PWWP3A: variants seen among roughly 807,000 people sequenced by gnomAD.
The protein encoded by PWWP3A is PWWP domain-containing DNA repair factor 3A.
PWWP3A carries 53 observed loss-of-function variants against 79.0 expected under a neutral mutation model. That is an observed-to-expected ratio of 0.67 (90% CI 0.54 to 0.84). The LOEUF is 0.84. Among genes scored for constraint, PWWP3A ranks in the 40% least tolerant of loss-of-function variants. The probability of loss-of-function intolerance (pLI) is 0.00; values close to 1 mark genes in which losing one functional copy is unlikely to be tolerated. For synonymous variants in PWWP3A, 443 were observed against 394.4 expected (o/e 1.12, Z -1.46); for missense variants, 973 against 948.0 (o/e 1.03, Z -0.35).
At position 1,358,377 on chromosome 19, in the gene PWWP3A, C is replaced by G; in HGVS notation, c.144-17C>G. On this transcript the variant is annotated splice_polypyrimidine_tract_variant and intron_variant, in intron 3 of 13. Transcript: ENST00000591337. ...GGCGTTGGCTGGTGGTGTGTAACGTCGATTTTGTCTCTGCAGAATTAAGGT... is the reference window on the plus strand; with the variant it reads ...GGCGTTGGCTGGTGGTGTGTAACGTGGATTTTGTCTCTGCAGAATTAAGGT... The G allele has an allele frequency of 2.5e-6, 4 of 1,611,296 alleles. No homozygotes were observed. The highest frequency in any genetic ancestry group is 3.4e-6 in the Non-Finnish European group (4 of 1,178,452).
chr19:1,356,958 C>T, intron 2 of PWWP3A, 51 bp from the exon 3 acceptor site: 1 of 1,482,580 alleles, frequency 6.7e-7, no homozygotes, highest in Non-Finnish European at 9.4e-7. Flanking sequence ...GCCACTGTTT[C>T]TCACTGTCAG....
intron 2 of PWWP3A, 28 bp from the exon 3 acceptor site, chr19:1,356,978 TAAC>T: frequency 6.3e-7 from 1 of 1,583,388 alleles, no homozygotes; most frequent in Non-Finnish European, 8.6e-7. Flanking sequence ...GCTGTTGTAA[TAAC>T]AAGGATTTTC....
At position 1,369,278 on chromosome 19, in the gene PWWP3A, A is replaced by C; in HGVS notation, c.1436A>C (p.Glu479Ala). The C allele has an allele frequency of 6.2e-7, 1 of 1,614,118 alleles. No homozygotes were observed. Among genetic ancestry groups the C allele is most frequent in the Non-Finnish European group, 8.5e-7 (1 of 1,180,000 alleles). Residue 479 changes from glutamate to alanine, a missense_variant, in exon 10 of 14, where the codon GAG becomes GCG. Coordinates refer to ENST00000591337, the MANE Select transcript of PWWP3A (RefSeq NM_001369789.1). The surrounding 1 kb of genome is among the most constrained non-coding windows in gnomAD (Gnocchi z 4.0). ...ATCTCATTGTAGAATCAAGCCAGGG[A>C]GGACTTCAACCAGGACATCGGCTGG... Reference protein sequence around the residue: ...EKQTLLNQAREDFNQDIGWCV... With the variant: ...EKQTLLNQARADFNQDIGWCV...
intron 3 of PWWP3A, chr19:1,357,337 A>C: frequency 5.1e-6 from 2 of 392,882 alleles, no homozygotes; most frequent in Non-Finnish European, 9.2e-6. Context: ...TGGTACAAAC[A>C]CTGAATACAT....
At chr19:1,373,507 AC>A (rs2082305122) in intron 13 of PWWP3A, 1 of 279,250 alleles carries the variant, frequency 3.6e-6, no homozygotes, top group African/African-American at 2.2e-5. Context: ...TGTGAGAAAT[AC>A]AGCAAGATTA....
chr19:1,376,109 T>A (rs768880547), intron 13 of PWWP3A, among the ~76,000 whole-genome samples: 11 of 135,856 alleles, frequency 8.1e-5, no homozygotes, highest in Non-Finnish European at 1.2e-4. Flanking sequence ...GTGCCTGGAC[T>A]CTCTGTCATA....
Position 1,369,400 on chromosome 19 carries a change from C to G in PWWP3A, c.1498+60C>G. 1.3e-6 allele frequency: 2 copies of G among 1,584,530 alleles called. No homozygotes were observed. The highest frequency in any genetic ancestry group is 1.7e-6 in the Non-Finnish European group (2 of 1,155,188). ...AGCAGGCGTCCAGCCTCTGAAGACC[C>G]CTTGGACGGGCTGGGCCGGAGCTGC... On this transcript the variant is annotated intron_variant, in intron 10 of 13. Coordinates refer to ENST00000591337, the MANE Select transcript of PWWP3A (RefSeq NM_001369789.1). The surrounding 1 kb of genome is among the most constrained non-coding windows in gnomAD (Gnocchi z 4.0).
rs1021121358 is a variant in PWWP3A at position 1,377,703 on chromosome 19, C to G, written c.*1127C>G. 3 of 152,368 alleles carry G rather than the reference C, an allele frequency of 2.0e-5. No homozygotes were observed. Among genetic ancestry groups the G allele is most frequent in the African/African-American group, 4.8e-5 (2 of 41,480 alleles). 9.4% of individuals were successfully genotyped at this position (152,368 alleles called of 1,614,324 possible). On this transcript the variant is annotated 3_prime_UTR_variant, in exon 14 of 14. Coordinates refer to ENST00000591337, the MANE Select transcript of PWWP3A (RefSeq NM_001369789.1). ...GTGGATGCTCCAGGCTGTGCCTACA[C>G]AGCAGTGCTGGTGACATGTCCAGGG...
chr19:1,374,912 A>G (rs2082332961), intron 13 of PWWP3A, among the ~76,000 whole-genome samples: 2 of 152,086 alleles, frequency 1.3e-5, no homozygotes, highest in Admixed American at 1.3e-4. Flanking sequence ...GTCTCTAAAA[A>G]TAAATATTAT....
At chr19:1,359,916 T>TA (rs1419941517) in intron 4 of PWWP3A, 4 of 464,280 alleles carry the variant, frequency 8.6e-6, no homozygotes, top group African/African-American at 8.1e-5. Flanking sequence ...ATTTGGTTTT[T>TA]AAAAAAATGA....
rs35058427 is a variant in PWWP3A at position 1,360,319 on chromosome 19, C to T, written c.398C>T (p.Ser133Leu). 119 of 1,613,770 alleles carry T rather than the reference C, an allele frequency of 7.4e-5. No individual in the cohort carries two copies. The highest frequency in any genetic ancestry group is 9.9e-5 in the South Asian group (9 of 91,050). The change falls in exon 5 of 14, where the codon TCG becomes TTG. Residue 133 changes from serine to leucine, a missense_variant. Ser to Leu is a moderately radical substitution (Grantham distance 145). Coordinates refer to ENST00000591337, the MANE Select transcript of PWWP3A (RefSeq NM_001369789.1). The surrounding 1 kb of genome is among the most constrained non-coding windows in gnomAD (Gnocchi z 4.4). ...GAGCATGTCTCCTCGCCCTGTGATT[C>T]GAACTCCTCATCTCTTCCCCGCGGA... ...PMEHVSSPCD[S>L]NSSSLPRGDV...
At position 1,370,836 on chromosome 19, in the gene PWWP3A, G is replaced by A. The variant is rs1245810130; in HGVS notation, c.1744G>A (p.Ala582Thr). ...NQKLVEYIVK[A>T]KGAESHLRAI... Reference sequence around the variant, plus strand: ...GAAGCTGGTGGAGTACATTGTGAAGGCCAAGGGCGCGGAGAGCCACCTGCG... The same window carrying A: ...GAAGCTGGTGGAGTACATTGTGAAGACCAAGGGCGCGGAGAGCCACCTGCG... Residue 582 changes from alanine (A) to threonine (T), a missense_variant, in exon 12 of 14, where the codon GCC (alanine) becomes ACC (threonine). Ala to Thr is a moderately conservative substitution (Grantham distance 58, BLOSUM62 0). Transcript: ENST00000591337. 11 of 1,571,838 alleles carry A rather than the reference G, an allele frequency of 7.0e-6. No homozygotes were observed. The highest frequency in any genetic ancestry group is 8.6e-6 in the Non-Finnish European group (10 of 1,158,660).
intron 9 of PWWP3A, among the ~76,000 whole-genome samples, chr19:1,367,947 C>T (rs1358918053): frequency 6.6e-6 from 1 of 152,010 alleles, no homozygotes; most frequent in African/African-American, 2.4e-5. Context: ...TTTTTTGAGA[C>T]GGAGTCTCAC....
rs576094849 is a variant in PWWP3A at position 1,366,350 on chromosome 19, A to G, written c.1330A>G (p.Ile444Val). 6.8e-6 allele frequency: 11 copies of G among 1,614,246 alleles called. No homozygotes were observed. Among genetic ancestry groups the G allele is most frequent in the Admixed American group, 3.3e-5 (2 of 60,036 alleles). The change falls in exon 8 of 14, where the codon ATC (isoleucine) becomes GTC (valine). Residue 444 changes from isoleucine (I) to valine (V), a missense_variant. Physicochemically the swap from Ile to Val is conservative, Grantham distance 29. Transcript: ENST00000591337. Reference protein sequence around the residue: ...QRDKKASVLYIEGHMNPKMKG... With the variant: ...QRDKKASVLYVEGHMNPKMKG... ...AGATAAGAAAGCAAGTGTGCTATAC[A>G]TCGAAGGACACATGAACCCGAAAAT...
intron 7 of PWWP3A, among the ~76,000 whole-genome samples, chr19:1,365,791 C>T (rs1217047238): frequency 6.6e-6 from 1 of 152,220 alleles, no homozygotes; most frequent in East Asian, 1.9e-4. Context: ...TCCCTGAGAG[C>T]GCAGGGCGGA....
chr19:1,360,722 C>G lies in PWWP3A; in HGVS notation c.801C>G (p.Asn267Lys). The G allele has an allele frequency of 6.2e-7, 1 of 1,613,274 alleles. No homozygotes were observed. Residue 267 changes from asparagine (N) to lysine (K), a missense_variant, in exon 5 of 14, where the codon AAC (asparagine) becomes AAG (lysine). By Grantham distance (94) the Asn-to-Lys change is moderately conservative (BLOSUM62 0). Transcript: ENST00000591337. The surrounding 1 kb of genome is among the most constrained non-coding windows in gnomAD (Gnocchi z 4.4). Reference sequence around the variant, plus strand: ...TCAGGGAGGACGATCCCTGTGCCAACGCTGAGGGACACGACCCCGGTCTGC... The same window carrying G: ...TCAGGGAGGACGATCCCTGTGCCAAGGCTGAGGGACACGACCCCGGTCTGC... The part of the protein sequence containing the change: ...SGVREDDPCA[N>K]AEGHDPGLPL...
chr19:1,358,592 C>T (rs747024110), intron 4 of PWWP3A, 128 bp downstream of exon 4: 23 of 1,587,710 alleles, frequency 1.4e-5, no homozygotes, highest in Middle Eastern at 1.6e-4. Flanking sequence ...TACAAGGGAA[C>T]GCGAATCCCC....
chr19:1,366,837 C>T (rs920438049), intron 8 of PWWP3A, among the ~76,000 whole-genome samples: 3 of 152,358 alleles, frequency 2.0e-5, no homozygotes, highest in Admixed American at 6.5e-5. Flanking sequence ...CATCGCATTG[C>T]ATATCCCCAA....
intron 13 of PWWP3A, among the ~76,000 whole-genome samples, chr19:1,375,221 CAAAA>C (rs397793345): frequency 1.5e-5 from 2 of 130,680 alleles, no homozygotes; most frequent in Admixed American, 8.2e-5. Context: ...GACTCCGTTT[CAAAA>C]AAAAAAAAAA....
Sources: allele counts gnomAD v4.1 joint callset (sites outside exome capture counted in the v4.1 genomes callset), GRCh38; gene constraint gnomAD v4.1.1; non-coding constraint Gnocchi (gnomAD v3.1); transcripts MANE v1.5; gene names NCBI Gene and HGNC (gene_info 2026-07-23, HGNC 2026-07-21).